MKLN1: variants seen among roughly 807,000 people sequenced by gnomAD.
MKLN1 encodes the protein muskelin.
A neutral mutation model predicts 99.0 loss-of-function variants in MKLN1; 18 were observed. That is an observed-to-expected ratio of 0.18 (90% confidence interval 0.13 to 0.27). The LOEUF (loss-of-function observed/expected upper bound fraction) is 0.27. Among genes scored for constraint, MKLN1 ranks in the 10% least tolerant of loss-of-function variants. The pLI, the probability that MKLN1 is intolerant of heterozygous loss-of-function variation, is 1.00. For synonymous variants in MKLN1, 288 were observed against 293.2 expected (o/e 0.98, Z 0.18); for missense variants, 621 against 875.9 (o/e 0.71, Z 3.67).
Position 131,399,382 on chromosome 7 carries a change from T to C in MKLN1, c.652T>C (p.Leu218=), listed in dbSNP as rs764292083. The change falls in exon 6 of 18, where the codon TTG becomes CTG. Residue 218 remains leucine, a synonymous_variant. Coordinates refer to ENST00000352689, the MANE Select transcript of MKLN1 (RefSeq NM_013255.5). ...MLTDIHDKLV[L]KGDFDACEEL... The stretch of plus-strand genomic sequence containing the variant: ...AACAGATATTCATGACAAGCTGGTG[T>C]TGAAGGGTGATTTTGATGCTTGCGA... 1 of 1,613,994 alleles carries C rather than the reference T, an allele frequency of 6.2e-7. No individual in the cohort carries two copies. The highest frequency in any genetic ancestry group is 8.5e-7 in the Non-Finnish European group (1 of 1,179,936).
chr7:131,233,126 G>A (rs550777546), intron 3 of MKLN1, among the ~76,000 whole-genome samples: 1 of 152,194 alleles, frequency 6.6e-6, no homozygotes, highest in African/African-American at 2.4e-5. Flanking sequence ...GATTGTTTGA[G>A]CCCACGAGTT....
chr7:131,222,290 G>T (rs1028506038), intron 3 of MKLN1, among the ~76,000 whole-genome samples: 1 of 152,230 alleles, frequency 6.6e-6, no homozygotes, highest in South Asian at 2.1e-4. Context: ...GGAAACTGAA[G>T]CCCAGAGAGG....
intron 3 of MKLN1, among the ~76,000 whole-genome samples, chr7:131,290,828 C>T (rs1031334303): frequency 3.3e-5 from 5 of 152,168 alleles, no homozygotes; most frequent in African/African-American, 4.8e-5. Context: ...TAGACCAACT[C>T]CTAATTAATT....
At position 131,187,100 on chromosome 7, in the gene MKLN1, A is replaced by G. The variant is rs537864642; in HGVS notation, c.-296-15757A>G. 2.6e-5 allele frequency among the ~76,000 whole-genome samples: 4 copies of G among 152,360 alleles called. No homozygotes were observed. The East Asian group carries it at 7.7e-4, about 29-fold the overall frequency. On this transcript the variant is annotated intron_variant, in intron 2 of 7. Coordinates refer to the MKLN1 transcript ENST00000416992. ...GTGACATCCAGCATGCATTTGTTAA[A>G]TGAGTGTTTGAGATTAGAAGCTGTG... is the stretch of plus-strand genomic sequence containing the variant.
intron 2 of MKLN1, among the ~76,000 whole-genome samples, chr7:131,143,287 T>A (rs1795764726): frequency 6.6e-6 from 1 of 150,898 alleles, no homozygotes; most frequent in African/African-American, 2.4e-5. Context: ...GTTAACATGG[T>A]GAAACCCCAT....
At chr7:131,470,527 A>G (rs1467566370) in intron 15 of MKLN1, among the ~76,000 whole-genome samples, 1 of 152,190 alleles carries the variant, frequency 6.6e-6, no homozygotes, top group Non-Finnish European at 1.5e-5. Flanking sequence ...TAAAATACGT[A>G]GTATATTCAC....
At chr7:131,161,633 G>C (rs1796049962) in intron 2 of MKLN1, among the ~76,000 whole-genome samples, 1 of 151,868 alleles carries the variant, frequency 6.6e-6, no homozygotes, top group African/African-American at 2.4e-5. Context: ...CTCACTGCAA[G>C]CTCCGCCTTC....
At chr7:131,367,361 TATTTA>T (rs1171503514) in intron 1 of MKLN1, among the ~76,000 whole-genome samples, 7 of 152,240 alleles carry the variant, frequency 4.6e-5, no homozygotes, top group African/African-American at 1.7e-4. Flanking sequence ...AAATGGCAGA[TATTTA>T]ATTTAACTCT....
intron 8 of MKLN1, among the ~76,000 whole-genome samples, chr7:131,420,249 A>G (rs944323703): frequency 6.6e-6 from 1 of 151,908 alleles, no homozygotes; most frequent in African/African-American, 2.4e-5. Context: ...ATGAAAGAGT[A>G]GCTATTAGTG....
intron 2 of MKLN1, among the ~76,000 whole-genome samples, chr7:131,382,185 C>T (rs554820234): frequency 5.5e-4 from 83 of 151,978 alleles, no homozygotes; most frequent in African/African-American, 1.9e-3. Context: ...GCCAACATGG[C>T]GAAACCCCAT....
At chr7:131,451,831 C>G (rs1464297615) in intron 12 of MKLN1, among the ~76,000 whole-genome samples, 1 of 152,164 alleles carries the variant, frequency 6.6e-6, no homozygotes, top group African/African-American at 2.4e-5. Flanking sequence ...CTAATTGAAA[C>G]TTATGTGTAG....
At chr7:131,214,007 G>A (rs1397929445) in intron 3 of MKLN1, among the ~76,000 whole-genome samples, 4 of 151,928 alleles carry the variant, frequency 2.6e-5, no homozygotes, top group Admixed American at 2.0e-4. Context: ...CTACCCCAAA[G>A]GTGTAAACAT....
chr7:131,460,020 A>G (rs1385794258), intron 12 of MKLN1, among the ~76,000 whole-genome samples: 1 of 152,044 alleles, frequency 6.6e-6, no homozygotes, highest in Non-Finnish European at 1.5e-5. Context: ...GTTTCTAACT[A>G]TGTCTGTAGT....
At chr7:131,214,515 G>A (rs142576460) in intron 3 of MKLN1, among the ~76,000 whole-genome samples, 1 of 152,332 alleles carries the variant, frequency 6.6e-6, no homozygotes, top group African/African-American at 2.4e-5. Context: ...CCAGCACACA[G>A]AGATTAACTA....
chr7:131,297,980 C>G (rs1384478850), intron 3 of MKLN1, among the ~76,000 whole-genome samples: 2 of 152,180 alleles, frequency 1.3e-5, no homozygotes, highest in African/African-American at 4.8e-5. Flanking sequence ...CAGGAACATG[C>G]AAGTTAAGAT....
At chr7:131,191,441 A>G (rs1258970634) in intron 2 of MKLN1, among the ~76,000 whole-genome samples, 2 of 152,218 alleles carry the variant, frequency 1.3e-5, no homozygotes, top group Non-Finnish European at 2.9e-5. Context: ...ACCAGCTCCA[A>G]ATATTGAGGG....
At chr7:131,267,253 A>G (rs2116549421) in intron 3 of MKLN1, among the ~76,000 whole-genome samples, 1 of 152,244 alleles carries the variant, frequency 6.6e-6, no homozygotes, top group East Asian at 1.9e-4. Flanking sequence ...GAATTGCTTG[A>G]ACCCTAAGGA....
intron 12 of MKLN1, among the ~76,000 whole-genome samples, chr7:131,462,256 A>G (rs13362861): frequency 6.6e-6 from 1 of 152,044 alleles, no homozygotes; most frequent in Non-Finnish European, 1.5e-5. Context: ...TCTTGAGGTC[A>G]TGGCCTCATA....
chr7:131,484,585 A>G (rs992567328), intron 17 of MKLN1, among the ~76,000 whole-genome samples: 2 of 152,208 alleles, frequency 1.3e-5, no homozygotes, highest in Non-Finnish European at 2.9e-5. Flanking sequence ...ATTTGATCTC[A>G]AGAAAATGGT....
Sources: gnomAD v4.1 joint callset for allele counts (sites outside exome capture counted in the v4.1 genomes callset) on GRCh38, gnomAD v4.1.1 for gene constraint, MANE v1.5 for transcripts, NCBI Gene and HGNC (gene_info 2026-07-23, HGNC 2026-07-21) for gene names.